The following YAP1 variants were observed in gnomAD, a reference collection of about 807,000 sequenced individuals.
YAP1 encodes transcriptional coactivator YAP1.
A neutral mutation model predicts 56.9 loss-of-function variants in YAP1; 5 were observed. The ratio of observed to expected loss-of-function variants is 0.09; its 90% CI spans 0.05 to 0.18. The LOEUF is 0.18. Ranked by LOEUF, YAP1 falls within the 10% of genes least tolerant of loss-of-function variation. YAP1 has a pLI of 1.00. For missense variants in YAP1, 539 were observed against 651.8 expected (o/e 0.83, Z 1.88); for synonymous variants, 265 against 248.1 (o/e 1.07, Z -0.64).
chr11:102,173,942 G>GT (rs1474019044), intron 3 of YAP1, among the ~76,000 whole-genome samples: 4 of 152,144 alleles, frequency 2.6e-5, no homozygotes. Flanking sequence ...TTAGTCTTTG[G>GT]TATTCTAGAG....
In YAP1 at chr11:102,114,086, A is replaced by G. The variant is rs533193253; in HGVS notation, c.322-58A>G. The G allele has an allele frequency of 2.7e-4, 411 of 1,504,694 alleles. 4 individuals carry two copies. In the South Asian group the frequency reaches 5.2e-3, roughly 19 times the overall value. The allele number at this position is 1,504,694 out of a possible 1,614,324, so 93.2% of individuals were successfully genotyped here. A position where few individuals can be genotyped will look rare whatever the true frequency, so the allele number is the denominator to read the frequency against. ...CAATTAAGCGCTGACTGGGAAATTT[A>G]AAGGGACTCAGTTGTGTTTTTTCTT... On this transcript the variant is annotated intron_variant, in intron 1 of 8. Coordinates refer to ENST00000282441, the MANE Select transcript of YAP1 (RefSeq NM_001130145.3).
At position 102,193,828 on chromosome 11, in the gene YAP1, T is replaced by G. The variant is rs115484563; in HGVS notation, c.802+7697T>G. Among the ~76,000 whole-genome samples the G allele has an allele frequency of 3.5e-3, 527 of 152,048 alleles. 1 individual carries two copies. The highest frequency in any genetic ancestry group is 0.011 in the African/African-American group (471 of 41,504). On this transcript the variant is annotated intron_variant, in intron 4 of 8. Transcript: ENST00000282441. Reference sequence around the variant, plus strand: ...CTTACATAGTTTTTTGGGGGTTTTTTTTTGTTTGATTTTTGTTTTTTTTTT... The same window carrying G: ...CTTACATAGTTTTTTGGGGGTTTTTGTTTGTTTGATTTTTGTTTTTTTTTT...
intron 3 of YAP1, among the ~76,000 whole-genome samples, chr11:102,167,161 A>G (rs1411544861): frequency 1.3e-5 from 2 of 152,224 alleles, no homozygotes; most frequent in African/African-American, 4.8e-5. Flanking sequence ...CAAAACAAAG[A>G]TGCACCTGGA....
chr11:102,113,320 C>G (rs1943081064), intron 1 of YAP1, among the ~76,000 whole-genome samples: 1 of 152,158 alleles, frequency 6.6e-6, no homozygotes, highest in Non-Finnish European at 1.5e-5. Context: ...ATCCATTTTT[C>G]TATCATGAAA....
At chr11:102,168,544 A>G (rs1591300778) in intron 3 of YAP1, among the ~76,000 whole-genome samples, 1 of 152,258 alleles carries the variant, frequency 6.6e-6, no homozygotes, top group Non-Finnish European at 1.5e-5. Context: ...AACTCTACCA[A>G]TGTAGCACTT....
At chr11:102,128,500 A>G (rs907182192) in intron 2 of YAP1, among the ~76,000 whole-genome samples, 2 of 152,214 alleles carry the variant, frequency 1.3e-5, no homozygotes, top group Admixed American at 6.5e-5. Context: ...TTTAAGTCCA[A>G]TTAAACCTCT....
At chr11:102,124,583 A>AT (rs1020042386) in intron 2 of YAP1, among the ~76,000 whole-genome samples, 1 of 151,202 alleles carries the variant, frequency 6.6e-6, no homozygotes, top group Non-Finnish European at 1.5e-5. Context: ...TTTATCTGTT[A>AT]TTTTTTTTCT....
At chr11:102,142,812 C>T (rs949682865) in intron 2 of YAP1, among the ~76,000 whole-genome samples, 1 of 152,028 alleles carries the variant, frequency 6.6e-6, no homozygotes, top group Non-Finnish European at 1.5e-5. Context: ...TTCAAAGAAC[C>T]GTTTGTGGCT....
Position 102,110,708 on chromosome 11 carries a change from C to T in YAP1, c.-141C>T. ...GGGGGATGCGGGGCCGCGGCGCAGC[C>T]CCCCGGCCCTGAGAGCGAGGACAGC... On this transcript the variant is annotated 5_prime_UTR_variant, in exon 1 of 9. Transcript: ENST00000282441. 1 of 693,988 alleles carries T rather than the reference C, an allele frequency of 1.4e-6. No individual in the cohort carries two copies. Among genetic ancestry groups the T allele is most frequent in the Non-Finnish European group, 1.9e-6 (1 of 520,422 alleles). 43.0% of individuals were successfully genotyped at this position (693,988 alleles called of 1,614,324 possible).
chr11:102,151,561 C>G (rs1277290715), intron 2 of YAP1, among the ~76,000 whole-genome samples: 2 of 152,172 alleles, frequency 1.3e-5, no homozygotes, highest in African/African-American at 2.4e-5. Context: ...TTTCTAACCT[C>G]TGTCATTTTA....
chr11:102,111,626 T>C (rs1041604739), intron 1 of YAP1, among the ~76,000 whole-genome samples: 2 of 152,086 alleles, frequency 1.3e-5, no homozygotes, highest in Non-Finnish European at 2.9e-5. Context: ...GGGGGGCCTC[T>C]GGCATTTGTG....
chr11:102,119,084 C>G (rs933752876), intron 2 of YAP1, among the ~76,000 whole-genome samples: 3 of 151,588 alleles, frequency 2.0e-5, no homozygotes, highest in Non-Finnish European at 4.4e-5. Context: ...GCTTGTTTGT[C>G]TTGCTATTGA....
In YAP1 at chr11:102,205,962, A is replaced by G; in HGVS notation, c.872A>G (p.Gln291Arg). The G allele has an allele frequency of 3.1e-6, 5 of 1,613,436 alleles. No individual in the cohort carries two copies. The highest frequency in any genetic ancestry group is 4.2e-6 in the Non-Finnish European group (5 of 1,179,840). The change falls in exon 5 of 9, where the codon CAG becomes CGG. Residue 291 changes from glutamine to arginine, a missense_variant. Around this residue, in one of 4 missense-constraint regions of YAP1, gnomAD observed 414 missense variants for 512.4 expected, o/e 0.81. Coordinates refer to ENST00000282441, the MANE Select transcript of YAP1 (RefSeq NM_001130145.3). ...QPPPLAPQSP[Q>R]GGVMGGSNSN... is the part of the protein sequence containing the mutation. ...CCACCCCTGGCTCCCCAGAGCCCAC[A>G]GGGAGGCGTCATGGGTGGCAGCAAC...
At chr11:102,219,174 A>C (rs887196379) in intron 6 of YAP1, among the ~76,000 whole-genome samples, 2 of 152,228 alleles carry the variant, frequency 1.3e-5, no homozygotes, top group African/African-American at 4.8e-5. Flanking sequence ...AACCCTAGGC[A>C]TCAGCCTTTT....
chr11:102,215,521 C>T (rs539716724), intron 6 of YAP1, among the ~76,000 whole-genome samples: 1 of 152,340 alleles, frequency 6.6e-6, no homozygotes, highest in East Asian at 1.9e-4. Context: ...ATCACCCAGG[C>T]TGGAGTGCAA....
intron 4 of YAP1, among the ~76,000 whole-genome samples, chr11:102,195,027 G>A (rs1173579641): frequency 6.6e-6 from 1 of 152,024 alleles, no homozygotes; most frequent in East Asian, 1.9e-4. Context: ...CAAGTAGCTG[G>A]TATTACAGGT....
intron 4 of YAP1, among the ~76,000 whole-genome samples, chr11:102,197,848 C>A (rs1251198839): frequency 6.6e-6 from 1 of 152,172 alleles, no homozygotes; most frequent in Non-Finnish European, 1.5e-5. Context: ...GCCCTGCCCC[C>A]TTTCCCCAGG....
intron 2 of YAP1, among the ~76,000 whole-genome samples, chr11:102,148,371 A>C (rs1357634875): frequency 6.7e-6 from 1 of 149,464 alleles, no homozygotes; most frequent in African/African-American, 2.4e-5. Context: ...GCAAAAAGAG[A>C]AGCTTTGGAT....
intron 6 of YAP1, 34 bp downstream of exon 6, chr11:102,209,598 A>G: frequency 6.7e-7 from 1 of 1,493,356 alleles, no homozygotes; most frequent in South Asian, 1.3e-5. Context: ...GCACTGGAAA[A>G]AAAAAAAAAA....
Sources: gnomAD v4.1 joint callset for allele counts (sites outside exome capture counted in the v4.1 genomes callset) on GRCh38, gnomAD v4.1.1 for gene constraint, gnomAD v4.1.1 regional missense constraint, MANE v1.5 for transcripts, NCBI Gene and HGNC (gene_info 2026-07-23, HGNC 2026-07-21) for gene names.